ME2: variants seen among roughly 807,000 people sequenced by gnomAD.
ME2 encodes NAD-dependent malic enzyme, mitochondrial.
A neutral mutation model predicts 73.7 loss-of-function variants in ME2; 60 were observed. That is an observed-to-expected ratio of 0.81 (90% CI 0.66 to 1.01). ME2 has a LOEUF of 1.01. Among genes scored for constraint, ME2 ranks in the 50% least tolerant of loss-of-function variants. The probability of loss-of-function intolerance (pLI) is 0.00; values close to 1 mark genes in which losing one functional copy is unlikely to be tolerated. For synonymous variants in ME2, 199 were observed against 236.9 expected (o/e 0.84, Z 1.47); for missense variants, 594 against 705.5 (o/e 0.84, Z 1.79).
chr18:50,918,069 T>C, intron 6 of ME2, 41 bp from the exon 7 acceptor site: 1 of 1,314,162 alleles, frequency 7.6e-7, no homozygotes, highest in Non-Finnish European at 1.0e-6. Context: ...TTAAACTGAT[T>C]ATATAAATTA....
At chr18:50,930,096 T>G (rs1464622413) in intron 12 of ME2, among the ~76,000 whole-genome samples, 1 of 151,862 alleles carries the variant, frequency 6.6e-6, no homozygotes, top group Non-Finnish European at 1.5e-5. Context: ...CCTGTCTGTA[T>G]AAAAAATTTA....
At chr18:50,930,843 CAAGTA>C (rs1201847902) in intron 12 of ME2, among the ~76,000 whole-genome samples, 1 of 152,096 alleles carries the variant, frequency 6.6e-6, no homozygotes, top group African/African-American at 2.4e-5. Flanking sequence ...TTTTTAGTCA[CAAGTA>C]ATGTTTAGAA....
At position 50,899,567 on chromosome 18, in the gene ME2, G is replaced by A. The variant is rs373404739; in HGVS notation, c.108+3639G>A. On this transcript the variant is annotated intron_variant, in intron 2 of 15. Coordinates refer to ENST00000321341, the MANE Select transcript of ME2 (RefSeq NM_002396.5). ...AGGAGGTGGAGGTTGCAGTGAGATC[G>A]TGCCACTGCACTGCAGCTTGGGTGG... 1.2e-4 allele frequency among the ~76,000 whole-genome samples: 18 copies of A among 152,268 alleles called. No individual in the cohort carries two copies. In the East Asian group the frequency reaches 1.5e-3, roughly 13 times the overall value.
chr18:50,950,001 G>A lies in ME2; in HGVS notation c.*2817G>A, dbSNP rs575509115. On this transcript the variant is annotated 3_prime_UTR_variant, in exon 16 of 16. Transcript: ENST00000321341. ...CGATGAGACTTTACCTAGCAAGAAG[G>A]TAATTATTTTGAATAACAGCAATAG... 6.6e-6 allele frequency: 1 copy of A among 152,192 alleles called. No homozygotes were observed. Among genetic ancestry groups the A allele is most frequent in the East Asian group, 1.9e-4 (1 of 5,202 alleles). The allele number at this position is 152,192 out of a possible 1,614,324, so 9.4% of individuals were successfully genotyped here. A position where few individuals can be genotyped will look rare whatever the true frequency, so the allele number is the denominator to read the frequency against.
At chr18:50,926,674 G>T (rs1331518145) in intron 12 of ME2, among the ~76,000 whole-genome samples, 2 of 152,068 alleles carry the variant, frequency 1.3e-5, no homozygotes, top group Non-Finnish European at 2.9e-5. Flanking sequence ...CTTTTACACT[G>T]TTTTCTATAT....
chr18:50,928,760 G>A (rs1917623671), intron 12 of ME2, among the ~76,000 whole-genome samples: 1 of 152,076 alleles, frequency 6.6e-6, no homozygotes, highest in African/African-American at 2.4e-5. Context: ...AAAGTCCTGA[G>A]GTATTTATCA....
rs140556772 is a variant in ME2 at position 50,880,728 on chromosome 18, C to T, written c.-13+1420C>T. On this transcript the variant is annotated intron_variant, in intron 1 of 15. Transcript: ENST00000321341. ...CGACCGCGCCTAGCTCCTAATATGA[C>T]TTTTATCATGCATTAATAGGAAATG... Among the ~76,000 whole-genome samples, 1,065 of 152,206 alleles carry T rather than the reference C, an allele frequency of 7.0e-3. 9 individuals are homozygous for T. Among genetic ancestry groups the T allele is most frequent in the Non-Finnish European group, 0.011 (762 of 68,010 alleles).
intron 1 of ME2, among the ~76,000 whole-genome samples, chr18:50,882,241 C>T (rs116064295): frequency 0.019 from 2,954 of 152,262 alleles, 90 homozygotes; most frequent in African/African-American, 0.067. Context: ...TCAAGCAACC[C>T]ACCCACCTTG....
chr18:50,884,845 T>A lies in ME2; in HGVS notation c.-13+5537T>A, dbSNP rs1421797878. Among the ~76,000 whole-genome samples the A allele has an allele frequency of 0.022, 4 of 182 alleles. No homozygotes were observed. In the South Asian group the frequency reaches 0.4, roughly 18 times the overall value. 0.1% of individuals were successfully genotyped at this position (182 alleles called of 152,430 possible). ...AATCACCAAAGTTTGTGTGTGTTTGTGTGTGTGTGTGTGTGTGTGTGTGTC... is the reference window on the plus strand; with the variant it reads ...AATCACCAAAGTTTGTGTGTGTTTGAGTGTGTGTGTGTGTGTGTGTGTGTC... On this transcript the variant is annotated intron_variant, in intron 1 of 15. Coordinates refer to ENST00000321341, the MANE Select transcript of ME2 (RefSeq NM_002396.5).
chr18:50,926,577 A>G (rs1397339826), intron 12 of ME2, among the ~76,000 whole-genome samples: 2 of 152,168 alleles, frequency 1.3e-5, no homozygotes, highest in African/African-American at 2.4e-5. Flanking sequence ...TTTTGAAAAA[A>G]TATCAGCCAG....
chr18:50,932,194 A>G, intron 12 of ME2, 64 bp from the exon 13 acceptor site: 1 of 1,399,976 alleles, frequency 7.1e-7, no homozygotes, highest in Non-Finnish European at 1.0e-6. Context: ...TTTTGTATGA[A>G]TTCACCTCAA....
rs1458375295 is a variant in ME2 at position 50,939,567 on chromosome 18, T to C, written c.1418-3T>C. 1 of 1,605,212 alleles carries C rather than the reference T, an allele frequency of 6.2e-7. No individual in the cohort carries two copies. On this transcript the variant is annotated splice_region_variant and splice_polypyrimidine_tract_variant and intron_variant, in intron 13 of 15. Transcript: ENST00000321341. ...TACTAGTAAACTTTAAAATGTGTTC[T>C]AGGTGTGGCTTTAGCTGTTATTCTC...
intron 10 of ME2, among the ~76,000 whole-genome samples, chr18:50,922,655 C>G (rs557845968): frequency 6.6e-6 from 1 of 152,312 alleles, no homozygotes; most frequent in South Asian, 2.1e-4. Context: ...GTTTACTTAG[C>G]ACAAAGTGAG....
At chr18:50,896,541 G>GTGCC (rs1280343814) in intron 2 of ME2, among the ~76,000 whole-genome samples, 1 of 152,164 alleles carries the variant, frequency 6.6e-6, no homozygotes, top group South Asian at 2.1e-4. Context: ...CGGTGGACAA[G>GTGCC]TGCCTGCCTG....
chr18:50,922,994 A>G (rs1917465990), intron 10 of ME2, among the ~76,000 whole-genome samples: 3 of 152,118 alleles, frequency 2.0e-5, no homozygotes, highest in African/African-American at 7.2e-5. Context: ...TGCATTCAGT[A>G]TGTTTTTGTC....
intron 13 of ME2, chr18:50,935,841 CA>C (rs1917806160): frequency 1.4e-5 from 2 of 145,424 alleles, no homozygotes; most frequent in South Asian, 4.4e-4. Flanking sequence ...TCAGAAGAAG[CA>C]ATCCAGAATG....
At chr18:50,926,161 G>C (rs1370723085) in intron 12 of ME2, among the ~76,000 whole-genome samples, 1 of 152,036 alleles carries the variant, frequency 6.6e-6, no homozygotes, top group Admixed American at 6.5e-5. Context: ...ATACATTATT[G>C]TTATATTTTA....
chr18:50,893,518 A>G (rs2144193136), intron 1 of ME2, among the ~76,000 whole-genome samples: 1 of 152,328 alleles, frequency 6.6e-6, no homozygotes, highest in South Asian at 2.1e-4. Flanking sequence ...CCTCCCCAGT[A>G]GTTAGCCTTG....
chr18:50,950,753 T>G lies in ME2; in HGVS notation c.*3569T>G, dbSNP rs1918208011. On this transcript the variant is annotated 3_prime_UTR_variant, in exon 16 of 16. Transcript: ENST00000321341. ...ATCCAACCACCTCAGCCTCCCAAAG[T>G]GCTGGAATTACAGGCATGAGCCACT... 1 of 152,252 alleles carries G rather than the reference T, an allele frequency of 6.6e-6. No homozygotes were observed. Among genetic ancestry groups the G allele is most frequent in the South Asian group, 2.1e-4 (1 of 4,826 alleles). 9.4% of individuals were successfully genotyped at this position (152,252 alleles called of 1,614,324 possible).
Sources: gnomAD v4.1 joint callset for allele counts (sites outside exome capture counted in the v4.1 genomes callset) on GRCh38, gnomAD v4.1.1 for gene constraint, MANE v1.5 for transcripts, NCBI Gene and HGNC (gene_info 2026-07-23, HGNC 2026-07-21) for gene names.